The following NCOA6 variants were observed in gnomAD, a reference collection of about 807,000 sequenced individuals.
The protein encoded by NCOA6 is NRC RAP250.
NCOA6 carries 49 observed loss-of-function variants against 171.4 expected under a neutral mutation model. The ratio of observed to expected loss-of-function variants is 0.29; its 90% CI spans 0.23 to 0.36. NCOA6 has a LOEUF of 0.36. Among genes scored for constraint, NCOA6 ranks in the 10% least tolerant of loss-of-function variants. NCOA6 has a pLI of 1.00. For synonymous variants in NCOA6, 910 were observed against 927.5 expected (o/e 0.98, Z 0.34); for missense variants, 2,248 against 2,554.5 (o/e 0.88, Z 2.59).
chr20:34,808,644 G>T (rs1261680351), intron 1 of NCOA6, among the ~76,000 whole-genome samples: 1 of 152,068 alleles, frequency 6.6e-6, no homozygotes, highest in Non-Finnish European at 1.5e-5. Flanking sequence ...CTCTATGTTG[G>T]TCAGCCTGGT....
At chr20:34,811,198 C>CGTGT (rs1285154596) in intron 1 of NCOA6, among the ~76,000 whole-genome samples, 3 of 20,140 alleles carry the variant, frequency 1.5e-4, no homozygotes, top group East Asian at 1.1e-3. Context: ...ACAACAACAA[C>CGTGT]GTGTATATAT....
At chr20:34,768,892 G>A (rs1025045419) in intron 4 of NCOA6, among the ~76,000 whole-genome samples, 7 of 151,666 alleles carry the variant, frequency 4.6e-5, no homozygotes, top group Non-Finnish European at 8.8e-5. Context: ...CTTACCAATT[G>A]TGTGTGTGTG....
rs1002657352 is a variant in NCOA6 at position 34,775,688 on chromosome 20, A to G, written c.391+605T>C. On this transcript the variant is annotated intron_variant, in intron 4 of 14. Transcript: ENST00000359003. The stretch of plus-strand genomic sequence containing the variant: ...ACTCTGTCTCAAAAAAAAAAAAAAA[A>G]AAAAGAAAAAAAAAAGAAAAGAAAA... 1.7e-3 allele frequency among the ~76,000 whole-genome samples: 78 copies of G among 44,714 alleles called. 1 individual carries two copies. The highest frequency in any genetic ancestry group is 1.9e-3 in the East Asian group (4 of 2,102). The allele number at this position is 44,714 out of a possible 152,430, so 29.3% of individuals were successfully genotyped here.
intron 4 of NCOA6, among the ~76,000 whole-genome samples, chr20:34,775,672 C>CAAAAAAAA (rs570763953): frequency 2.3e-4 from 18 of 77,526 alleles, no homozygotes; most frequent in African/African-American, 5.0e-4. Flanking sequence ...GACTCTGTCT[C>CAAAAAAAA]AAAAAAAAAA....
intron 14 of NCOA6, among the ~76,000 whole-genome samples, chr20:34,723,614 T>G (rs1989629691): frequency 6.6e-6 from 1 of 152,166 alleles, no homozygotes; most frequent in Non-Finnish European, 1.5e-5. Context: ...CTGCTAAGCC[T>G]CAGAGCAAGG....
At chr20:34,802,130 C>T (rs1350969044) in intron 1 of NCOA6, among the ~76,000 whole-genome samples, 4 of 152,286 alleles carry the variant, frequency 2.6e-5, no homozygotes, top group South Asian at 4.1e-4. Flanking sequence ...ATGCAAAAAT[C>T]CTCAACAAAA....
intron 11 of NCOA6, among the ~76,000 whole-genome samples, chr20:34,738,550 C>T (rs1242977891): frequency 4.6e-5 from 7 of 152,168 alleles, no homozygotes; most frequent in South Asian, 2.1e-4. Flanking sequence ...AATAAGCACC[C>T]AGTCTTGTGA....
chr20:34,752,166 A>G (rs1224021507), intron 8 of NCOA6, among the ~76,000 whole-genome samples: 1 of 151,958 alleles, frequency 6.6e-6, no homozygotes, highest in Non-Finnish European at 1.5e-5. Flanking sequence ...CTTATTTTTC[A>G]CTTTTAAATG....
At chr20:34,771,585 T>C (rs899766465) in intron 4 of NCOA6, among the ~76,000 whole-genome samples, 5 of 152,364 alleles carry the variant, frequency 3.3e-5, no homozygotes, top group South Asian at 4.1e-4. Context: ...GCTACCAATA[T>C]TGGACTGCCC....
Position 34,750,521 on chromosome 20 carries a change from T to A in NCOA6, c.1676-2A>T. 1 of 1,548,734 alleles carries A rather than the reference T, an allele frequency of 6.5e-7. No individual in the cohort carries two copies. Among genetic ancestry groups the A allele is most frequent in the Non-Finnish European group, 8.7e-7 (1 of 1,151,682 alleles). ...GAGGAGGACCAGCTCCTTGACCACC[T>A]TAAAAAAAAAAAAAGTCACAGTTTC... On this transcript the variant is annotated splice_acceptor_variant, in intron 8 of 14. Transcript: ENST00000359003. LOFTEE classifies it high-confidence loss of function.
rs574975262 is a variant in NCOA6, at chr20:34,813,108, G to A, written c.-164+12364C>T. On this transcript the variant is annotated intron_variant, in intron 1 of 14. Transcript: ENST00000359003. ...CGGGAGGAGGAGGTTGCAGTGAGTC[G>A]AGATCACGCCATTGCACTCCAGCCT... is the stretch of plus-strand genomic sequence containing the variant. Among the ~76,000 whole-genome samples, 388 of 150,928 alleles carry A rather than the reference G, an allele frequency of 2.6e-3. 1 individual carries two copies. The highest frequency in any genetic ancestry group is 8.7e-3 in the African/African-American group (356 of 41,070).
Position 34,742,567 on chromosome 20 carries a change from G to T in NCOA6, c.3689C>A (p.Pro1230His). Residue 1230 changes from proline to histidine, a missense_variant, in exon 11 of 15, where the codon CCC becomes CAC. Pro to His is a moderately conservative substitution (Grantham distance 77). Around this residue, in one of 7 missense-constraint regions of NCOA6, gnomAD observed 352 missense variants for 419.1 expected, o/e 0.84. Coordinates refer to ENST00000359003, the MANE Select transcript of NCOA6 (RefSeq NM_014071.5). Reference sequence around the variant, plus strand: ...ACTGATTTCTGAAGGTTCTGTGCTGGGAGGGCGGTTGTTGGGTGTCTGAGG... The same window carrying T: ...ACTGATTTCTGAAGGTTCTGTGCTGTGAGGGCGGTTGTTGGGTGTCTGAGG... Reference protein sequence around the residue: ...YYPQTPNNRPPSTEPSEISLS... With the variant: ...YYPQTPNNRPHSTEPSEISLS... 6.2e-7 allele frequency: 1 copy of T among 1,614,160 alleles called. No individual in the cohort carries two copies. Among genetic ancestry groups the T allele is most frequent in the Non-Finnish European group, 8.5e-7 (1 of 1,180,028 alleles).
intron 4 of NCOA6, among the ~76,000 whole-genome samples, chr20:34,775,566 T>C (rs1329316059): frequency 1.4e-5 from 2 of 147,324 alleles, no homozygotes; most frequent in African/African-American, 5.0e-5. Context: ...ATGCCTGTAA[T>C]ACCAGCTACT....
intron 13 of NCOA6, among the ~76,000 whole-genome samples, chr20:34,728,391 G>A (rs554742292): frequency 1.6e-4 from 24 of 152,290 alleles, no homozygotes; most frequent in South Asian, 6.2e-4. Flanking sequence ...AGTGTAAATT[G>A]TATAACCCAG....
intron 4 of NCOA6, among the ~76,000 whole-genome samples, chr20:34,769,583 C>T (rs955728961): frequency 4.6e-5 from 7 of 152,046 alleles, no homozygotes; most frequent in Non-Finnish European, 7.4e-5. Context: ...AGGCTGGTCT[C>T]GAACTCCTGA....
At chr20:34,725,024 G>A (rs1000733655) in intron 14 of NCOA6, among the ~76,000 whole-genome samples, 10 of 152,078 alleles carry the variant, frequency 6.6e-5, no homozygotes, top group African/African-American at 2.4e-4. Context: ...CCTGACCTCA[G>A]GTGATTTACC....
chr20:34,798,471 C>A (rs1035126328), intron 1 of NCOA6, among the ~76,000 whole-genome samples: 1 of 152,232 alleles, frequency 6.6e-6, no homozygotes, highest in African/African-American at 2.4e-5. Flanking sequence ...GAGTGAAGAA[C>A]ACAGGTGATA....
At chr20:34,754,619 G>C (rs756271084) in intron 8 of NCOA6, 103 bp downstream of exon 8, 8 of 1,341,708 alleles carry the variant, frequency 6.0e-6, no homozygotes, top group African/African-American at 1.5e-5. Context: ...GAAATTAAGG[G>C]GAGAGACCAA....
At chr20:34,783,578 A>G (rs576374131) in intron 2 of NCOA6, among the ~76,000 whole-genome samples, 1 of 152,180 alleles carries the variant, frequency 6.6e-6, no homozygotes, top group Admixed American at 6.5e-5. Flanking sequence ...CCTCCCACAA[A>G]TGTTCTAATA....
Sources: gnomAD v4.1 joint callset for allele counts (sites outside exome capture counted in the v4.1 genomes callset) on GRCh38, gnomAD v4.1.1 for gene constraint, gnomAD v4.1.1 regional missense constraint, MANE v1.5 for transcripts, NCBI Gene and HGNC (gene_info 2026-07-23, HGNC 2026-07-21) for gene names.